Variants in RBPJ observed in about 807,000 individuals in gnomAD.
RBPJ encodes recombining binding protein suppressor of hairless.
Under a neutral mutation model 67.8 loss-of-function variants are expected in RBPJ, and 9 were observed. The ratio of observed to expected loss-of-function variants is 0.13; its 90% CI spans 0.08 to 0.23. RBPJ has a LOEUF of 0.23. Ranked by LOEUF, RBPJ falls within the 10% of genes least tolerant of loss-of-function variation. The pLI is 1.00. For missense variants in RBPJ, 305 were observed against 595.6 expected (o/e 0.51, Z 5.08); for synonymous variants, 198 against 203.3 (o/e 0.97, Z 0.22).
At position 26,208,143 on chromosome 4, in the gene RBPJ, C is replaced by T. The variant is rs968599252; in HGVS notation, c.-167+44529C>T. 5.3e-5 allele frequency among the ~76,000 whole-genome samples: 8 copies of T among 152,248 alleles called. 1 individual carries two copies. The South Asian group carries it at 1.4e-3, about 28-fold the overall frequency. On this transcript the variant is annotated intron_variant, in intron 1 of 4. Transcript: ENST00000512351. ...ACAGTGTTTGCTACAATAGTGTTTA[C>T]TACGTGCTTGGTGCTACTCTAAATG...
intron 1 of RBPJ, among the ~76,000 whole-genome samples, chr4:26,331,320 T>G: frequency 6.6e-6 from 1 of 152,064 alleles, no homozygotes; most frequent in East Asian, 1.9e-4. Context: ...CTTCTGGGCT[T>G]AAGGGATCTG....
At chr4:26,114,497 A>ATATATATATGTGTGTG in the RBPJ span, among the ~76,000 whole-genome samples, 15 of 140,038 alleles carry the variant, frequency 1.1e-4, no homozygotes, top group African/African-American at 3.9e-4. Flanking sequence ...ATATATATAT[A>ATATATATATGTGTGTG]TGTATGTGTG....
chr4:26,412,604 A>T (rs1481124638), intron 3 of RBPJ, among the ~76,000 whole-genome samples: 4 of 152,208 alleles, frequency 2.6e-5, no homozygotes, highest in Non-Finnish European at 4.4e-5. Context: ...GGGAAAAAAA[A>T]TTCAAAACAC....
chr4:26,110,716 G>A, the RBPJ span, among the ~76,000 whole-genome samples: 14 of 152,162 alleles, frequency 9.2e-5, no homozygotes, highest in African/African-American at 4.8e-5. The surrounding 1 kb of genome is among the most constrained non-coding windows in gnomAD (Gnocchi z 4.5). Context: ...GAAGTTAAAC[G>A]TGAGCAAACA....
intron 1 of RBPJ, among the ~76,000 whole-genome samples, chr4:26,183,273 T>C (rs1717085583): frequency 6.6e-6 from 1 of 152,152 alleles, no homozygotes; most frequent in African/African-American, 2.4e-5. Flanking sequence ...GATAGGAAGT[T>C]TTCAGCTCCA....
chr4:26,238,852 G>A lies in RBPJ; in HGVS notation c.-167+75238G>A, dbSNP rs1301140518. 2.6e-5 allele frequency among the ~76,000 whole-genome samples: 4 copies of A among 152,272 alleles called. No homozygotes were observed. The East Asian group carries it at 7.7e-4, about 29-fold the overall frequency. ...GTCAGGACAGCCAGGACAACGGCTT[G>A]GAAGAGTGAGTGGCGGCGGCTGTAA... On this transcript the variant is annotated intron_variant, in intron 1 of 4. Coordinates refer to the RBPJ transcript ENST00000512351.
At chr4:26,199,620 C>T (rs887994836) in intron 1 of RBPJ, among the ~76,000 whole-genome samples, 11 of 152,150 alleles carry the variant, frequency 7.2e-5, no homozygotes, top group African/African-American at 2.7e-4. Flanking sequence ...ATGAGCTTTA[C>T]CGTTCAGATC....
intron 2 of RBPJ, among the ~76,000 whole-genome samples, chr4:26,405,796 C>T (rs1430080520): frequency 6.6e-6 from 1 of 152,014 alleles, no homozygotes; most frequent in Non-Finnish European, 1.5e-5. Flanking sequence ...AAGGGAATTA[C>T]ATTATTAAAC....
intron 1 of RBPJ, among the ~76,000 whole-genome samples, chr4:26,227,397 G>T (rs75645551): frequency 6.6e-6 from 1 of 152,132 alleles, no homozygotes; most frequent in African/African-American, 2.4e-5. Context: ...ACTTCAAAGC[G>T]CAGTTGTAAG....
intron 1 of RBPJ, among the ~76,000 whole-genome samples, chr4:26,286,062 G>GCTGCAGTGCGCTATGATCGTGCCC (rs1185744473): frequency 2.3e-5 from 3 of 127,868 alleles, no homozygotes; most frequent in Non-Finnish European, 4.8e-5. Flanking sequence ...TGATCGTGCC[G>GCTGCAGTGCGCTATGATCGTGCCC]CTGCACTCCA....
intron 1 of RBPJ, among the ~76,000 whole-genome samples, chr4:26,188,770 T>A (rs983968990): frequency 1.3e-5 from 2 of 152,188 alleles, no homozygotes; most frequent in Non-Finnish European, 2.9e-5. Context: ...GTCTTAATAT[T>A]CATTTTGAAG....
chr4:26,149,117 AGAAG>A, the RBPJ span, among the ~76,000 whole-genome samples: 7 of 152,230 alleles, frequency 4.6e-5, no homozygotes, highest in Non-Finnish European at 1.0e-4. Context: ...GCCCAGTTTA[AGAAG>A]GAAGTGAGAA....
chr4:26,247,985 T>A (rs993896351), intron 1 of RBPJ, among the ~76,000 whole-genome samples: 15 of 151,988 alleles, frequency 9.9e-5, no homozygotes, highest in Admixed American at 7.2e-4. Context: ...ACGCTGTGAA[T>A]CTAAAATTTT....
chr4:26,382,741 A>G (rs969088525), intron 1 of RBPJ, among the ~76,000 whole-genome samples: 7 of 152,060 alleles, frequency 4.6e-5, no homozygotes, highest in South Asian at 2.1e-4. Flanking sequence ...GGGTTTTGCT[A>G]TGTTATCCAG....
intron 2 of RBPJ, among the ~76,000 whole-genome samples, chr4:26,400,601 G>A (rs562219106): frequency 6.6e-6 from 1 of 152,170 alleles, no homozygotes; most frequent in Non-Finnish European, 1.5e-5. Context: ...AATTGCCAGA[G>A]AACATAATTT....
chr4:26,182,563 G>A (rs184090459), intron 1 of RBPJ, among the ~76,000 whole-genome samples: 80 of 149,854 alleles, frequency 5.3e-4, no homozygotes, highest in Non-Finnish European at 9.3e-4. Flanking sequence ...GCCTGATCAC[G>A]GCTCACTGCT....
At chr4:26,391,610 C>T (rs181859806) in intron 2 of RBPJ, among the ~76,000 whole-genome samples, 1 of 152,134 alleles carries the variant, frequency 6.6e-6, no homozygotes, top group African/African-American at 2.4e-5. Flanking sequence ...ATTTCTTAGA[C>T]ACTAAAACAC....
chr4:26,425,116 A>G (rs1466064522), intron 7 of RBPJ: 2 of 256,180 alleles, frequency 7.8e-6, no homozygotes, highest in African/African-American at 2.2e-5. Flanking sequence ...TACCTGCCAT[A>G]TCCCAATGTA....
At chr4:26,111,791 A>G in the RBPJ span, 1 of 154,144 alleles carries the variant, frequency 6.5e-6, no homozygotes, top group African/African-American at 2.4e-5. Flanking sequence ...TCACTCATTG[A>G]AAAGGGTCAT....
Sources: gnomAD v4.1 joint callset for allele counts (sites outside exome capture counted in the v4.1 genomes callset) on GRCh38, gnomAD v4.1.1 for gene constraint, Gnocchi (gnomAD v3.1) non-coding constraint, MANE v1.5 for transcripts, NCBI Gene and HGNC (gene_info 2026-07-23, HGNC 2026-07-21) for gene names.